PCGF5: variants seen among roughly 807,000 people sequenced by gnomAD.
PCGF5 encodes polycomb group ring finger 5, also known as polycomb group RING finger protein 5.
PCGF5 carries 9 observed loss-of-function variants against 44.3 expected under a neutral mutation model. The observed-to-expected ratio is 0.20, with a 90% CI of 0.12 to 0.35. The LOEUF (loss-of-function observed/expected upper bound fraction) is 0.35, where lower values mean the gene tolerates loss of function less well. Among genes scored for constraint, PCGF5 ranks in the 10% least tolerant of loss-of-function variants. PCGF5 has a pLI of 1.00. For missense variants in PCGF5, 146 were observed against 305.3 expected (o/e 0.48, Z 3.89); for synonymous variants, 95 against 102.5 (o/e 0.93, Z 0.44).
intron 2 of PCGF5, among the ~76,000 whole-genome samples, chr10:91,229,019 C>G (rs1387367361): frequency 6.6e-6 from 1 of 152,142 alleles, no homozygotes; most frequent in African/African-American, 2.4e-5. Flanking sequence ...TATTTTTAAT[C>G]ATAGAATTGT....
intron 1 of PCGF5, among the ~76,000 whole-genome samples, chr10:91,167,512 T>C (rs1181309913): frequency 1.3e-5 from 2 of 152,182 alleles, no homozygotes; most frequent in Non-Finnish European, 2.9e-5. Flanking sequence ...TCGGCAAAAA[T>C]GTAGGGACCA....
intron 6 of PCGF5, among the ~76,000 whole-genome samples, chr10:91,260,340 G>T (rs531839642): frequency 6.6e-6 from 1 of 152,246 alleles, no homozygotes; most frequent in South Asian, 2.1e-4. Flanking sequence ...GAAGAAATAG[G>T]AACACTTTTA....
In PCGF5 at chr10:91,282,582, A is replaced by C. The variant is rs535464674; in HGVS notation, c.*4266A>C. ...ACTTTGACAAAATGGGTCACAGAACAAGCATGTACATCAAGAGGAAGTTCC... is the reference window on the plus strand; with the variant it reads ...ACTTTGACAAAATGGGTCACAGAACCAGCATGTACATCAAGAGGAAGTTCC... On this transcript the variant is annotated 3_prime_UTR_variant, in exon 10 of 10. Coordinates refer to ENST00000336126, the MANE Select transcript of PCGF5 (RefSeq NM_032373.5). 1 of 152,724 alleles carries C rather than the reference A, an allele frequency of 6.5e-6. No homozygotes were observed. Among genetic ancestry groups the C allele is most frequent in the Admixed American group, 6.5e-5 (1 of 15,288 alleles). The allele number at this position is 152,724 out of a possible 1,614,324, so 9.5% of individuals were successfully genotyped here.
In PCGF5 at chr10:91,174,622, G is replaced by T. The variant is rs1033892727; in HGVS notation, c.-184+11541G>T. Among the ~76,000 whole-genome samples, 9 of 152,278 alleles carry T rather than the reference G, an allele frequency of 5.9e-5. No homozygotes were observed. The South Asian group carries it at 1.9e-3, about 32-fold the overall frequency. On this transcript the variant is annotated intron_variant, in intron 1 of 9. Transcript: ENST00000614189. ...TTAAAAATAGATTAAAAGTCTTGTG[G>T]CATCTAGAAGGATTCTCTTGAATTT...
intron 1 of PCGF5, among the ~76,000 whole-genome samples, chr10:91,181,980 G>A (rs972967786): frequency 6.6e-6 from 1 of 152,130 alleles, no homozygotes; most frequent in Admixed American, 6.6e-5. Flanking sequence ...CTCATTATTG[G>A]TCTGTTCAGG....
At chr10:91,258,846 T>C (rs1385771411) in intron 6 of PCGF5, among the ~76,000 whole-genome samples, 2 of 152,212 alleles carry the variant, frequency 1.3e-5, no homozygotes, top group African/African-American at 2.4e-5. Context: ...TTTATTTCTG[T>C]TGGTCTTTGC....
intron 1 of PCGF5, among the ~76,000 whole-genome samples, chr10:91,182,485 T>C (rs1843839812): frequency 6.6e-6 from 1 of 152,144 alleles, no homozygotes; most frequent in Admixed American, 6.5e-5. Context: ...TATTATTTTT[T>C]TCAAAAGCAA....
upstream of PCGF5, among the ~76,000 whole-genome samples, chr10:91,160,625 G>C (rs980860377): frequency 6.6e-6 from 1 of 152,038 alleles, no homozygotes; most frequent in African/African-American, 2.4e-5. Context: ...AAGAAGAGGG[G>C]AGAAGAGACT....
chr10:91,168,957 A>AAT (rs1564623421), intron 1 of PCGF5, among the ~76,000 whole-genome samples: 1 of 134,484 alleles, frequency 7.4e-6, no homozygotes, highest in Non-Finnish European at 1.6e-5. Context: ...AAAAAAAAAA[A>AAT]AGAAGGCTTG....
At chr10:91,179,117 T>C (rs555857939) in intron 1 of PCGF5, among the ~76,000 whole-genome samples, 2 of 152,348 alleles carry the variant, frequency 1.3e-5, no homozygotes, top group East Asian at 3.9e-4. Flanking sequence ...ACATCTTTGC[T>C]TGCTTCCTAA....
At chr10:91,258,596 TG>T (rs1226403258) in intron 6 of PCGF5, among the ~76,000 whole-genome samples, 3 of 152,124 alleles carry the variant, frequency 2.0e-5, no homozygotes, top group Non-Finnish European at 4.4e-5. Flanking sequence ...AATGATTCTT[TG>T]TAAGCTGTTT....
At chr10:91,249,041 T>G (rs558799783) in intron 5 of PCGF5, among the ~76,000 whole-genome samples, 3 of 152,156 alleles carry the variant, frequency 2.0e-5, no homozygotes, top group African/African-American at 7.2e-5. Flanking sequence ...AAGTAAGAAA[T>G]AGCCACAGCT....
At chr10:91,232,381 A>G (rs564962560) in intron 2 of PCGF5, among the ~76,000 whole-genome samples, 1 of 152,352 alleles carries the variant, frequency 6.6e-6, no homozygotes, top group Non-Finnish European at 1.5e-5. Flanking sequence ...AGGTGAAAAA[A>G]GAATGGGAAG....
chr10:91,170,291 AT>A (rs1315983010), intron 1 of PCGF5, among the ~76,000 whole-genome samples: 2 of 152,232 alleles, frequency 1.3e-5, no homozygotes, highest in East Asian at 3.8e-4. Context: ...AAATTTAAAA[AT>A]TTCTGCTCTG....
rs1400165701 is a variant in PCGF5, at chr10:91,222,856, T to G, written c.-16T>G. On this transcript the variant is annotated 5_prime_UTR_variant, in exon 2 of 10. Coordinates refer to ENST00000336126, the MANE Select transcript of PCGF5 (RefSeq NM_032373.5). ...TCTTTGCCCAGACTACTAAAGCCAG[T>G]CTTCACTAGCCACGAATGGCTACCC... The G allele has an allele frequency of 2.0e-6, 3 of 1,525,400 alleles. No homozygotes were observed. The Admixed American group carries it at 5.0e-5, about 26-fold the overall frequency. The allele number at this position is 1,525,400 out of a possible 1,614,324, so 94.5% of individuals were successfully genotyped here.
chr10:91,268,803 T>C (rs1846106676), intron 8 of PCGF5, among the ~76,000 whole-genome samples: 1 of 152,140 alleles, frequency 6.6e-6, no homozygotes, highest in African/African-American at 2.4e-5. Flanking sequence ...GCTAAGCCTG[T>C]TTTCTATGGT....
At chr10:91,235,335 A>G (rs767580549) in intron 2 of PCGF5, among the ~76,000 whole-genome samples, 2 of 152,310 alleles carry the variant, frequency 1.3e-5, no homozygotes, top group East Asian at 3.9e-4. Context: ...TTGTCCAACA[A>G]CCTGGTTCAA....
chr10:91,183,861 T>C (rs1027665956), intron 1 of PCGF5, among the ~76,000 whole-genome samples: 1 of 152,218 alleles, frequency 6.6e-6, no homozygotes, highest in African/African-American at 2.4e-5. Flanking sequence ...TTGGAATTTC[T>C]TTTCTTTAAG....
chr10:91,281,971 A>G lies in PCGF5; in HGVS notation c.*3655A>G, dbSNP rs1426654938. The G allele has an allele frequency of 6.6e-6, 1 of 152,180 alleles. No homozygotes were observed. 9.4% of individuals were successfully genotyped at this position (152,180 alleles called of 1,614,324 possible). A position where few individuals can be genotyped will look rare whatever the true frequency, so the allele number is the denominator to read the frequency against. ...AGAAAGTTCAGATTTTTAATTTGAG[A>G]GGGTTTTTATTTCATGGAGGCAGTG... is the stretch of plus-strand genomic sequence containing the variant. On this transcript the variant is annotated 3_prime_UTR_variant, in exon 10 of 10. Coordinates refer to ENST00000336126, the MANE Select transcript of PCGF5 (RefSeq NM_032373.5).
Sources: gnomAD v4.1 joint callset for allele counts (sites outside exome capture counted in the v4.1 genomes callset) on GRCh38, gnomAD v4.1.1 for gene constraint, MANE v1.5 for transcripts, NCBI Gene and HGNC (gene_info 2026-07-23, HGNC 2026-07-21) for gene names.